The following CNTN4 variants were observed in gnomAD, a reference collection of about 807,000 sequenced individuals.
CNTN4 encodes contactin 4.
Under a neutral mutation model 122.5 loss-of-function variants are expected in CNTN4, and 77 were observed. The observed-to-expected ratio is 0.63, with a 90% CI of 0.52 to 0.76. The LOEUF (loss-of-function observed/expected upper bound fraction) is 0.76. CNTN4 is among the 30% of genes least tolerant of loss of function. The pLI, the probability that CNTN4 is intolerant of heterozygous loss-of-function variation, is 0.00. For missense variants in CNTN4, 1,256 were observed against 1,259.1 expected (o/e 1.00, Z 0.04); for synonymous variants, 512 against 447.0 (o/e 1.15, Z -1.83).
chr3:2,184,239 G>A (rs1382386588), intron 2 of CNTN4, among the ~76,000 whole-genome samples: 3 of 152,234 alleles, frequency 2.0e-5, no homozygotes, highest in East Asian at 3.9e-4. Flanking sequence ...ACCAGCTTTG[G>A]CCTCCCAAGG....
chr3:2,635,302 T>C (rs921521684), intron 4 of CNTN4, among the ~76,000 whole-genome samples: 2 of 152,220 alleles, frequency 1.3e-5, no homozygotes, highest in South Asian at 2.1e-4. Context: ...GATATTGAGA[T>C]ACCAAACTGT....
At chr3:3,037,077 A>G (rs1037336903) in intron 17 of CNTN4, 102 bp from the exon 18 acceptor site, 2 of 1,361,718 alleles carry the variant, frequency 1.5e-6, no homozygotes, top group African/African-American at 2.9e-5. Flanking sequence ...CCTGAATACA[A>G]TAATGATGAG....
In CNTN4 at chr3:2,148,630, A is replaced by G. The variant is rs191045297; in HGVS notation, c.-145+47991A>G. Among the ~76,000 whole-genome samples the G allele has an allele frequency of 5.0e-3, 756 of 152,322 alleles. 2 individuals are homozygous for G. The highest frequency in any genetic ancestry group is 8.7e-3 in the Non-Finnish European group (591 of 68,034). On this transcript the variant is annotated intron_variant, in intron 2 of 24. Transcript: ENST00000418658. The stretch of plus-strand genomic sequence containing the variant: ...TATACACTGTTTCTTGGGCAGTGAC[A>G]GTAGGGTAAAATTACCCAGTTTGTG...
Position 2,584,921 on chromosome 3 carries a change from A to G in CNTN4, c.55+13363A>G, listed in dbSNP as rs188217503. Among the ~76,000 whole-genome samples the G allele has an allele frequency of 2.2e-3, 322 of 149,100 alleles. 2 individuals carry two copies. Among genetic ancestry groups the G allele is most frequent in the Middle Eastern group, 7.0e-3 (2 of 286 alleles). The stretch of plus-strand genomic sequence containing the variant: ...GGAAGGTAGGTAGGTAGGTAGGTAG[A>G]TAGATAGATAGATAGATAGATAGAC... On this transcript the variant is annotated intron_variant, in intron 4 of 24. Coordinates refer to ENST00000418658, the MANE Select transcript of CNTN4 (RefSeq NM_175607.3).
At chr3:3,027,369 G>A (rs555277667) in intron 15 of CNTN4, among the ~76,000 whole-genome samples, 21 of 152,268 alleles carry the variant, frequency 1.4e-4, no homozygotes, top group African/African-American at 4.8e-4. Context: ...ATTATCTCTT[G>A]GGACCCTGAC....
chr3:2,895,765 T>A (rs980288568), intron 10 of CNTN4, among the ~76,000 whole-genome samples: 6 of 152,224 alleles, frequency 3.9e-5, no homozygotes, highest in Non-Finnish European at 8.8e-5. Context: ...CTGGGCGCAG[T>A]GGCTCACGCC....
At chr3:2,476,223 T>C (rs1329437338) in intron 3 of CNTN4, among the ~76,000 whole-genome samples, 1 of 152,198 alleles carries the variant, frequency 6.6e-6, no homozygotes, top group Non-Finnish European at 1.5e-5. Context: ...TCAGGTGATT[T>C]TGTGGGCTTG....
intron 3 of CNTN4, among the ~76,000 whole-genome samples, chr3:2,537,500 T>C (rs1356816765): frequency 1.3e-5 from 2 of 152,134 alleles, no homozygotes; most frequent in Non-Finnish European, 1.5e-5. Flanking sequence ...GCATCTTGCC[T>C]CATATGTCTC....
chr3:2,493,668 C>A (rs1283843861), intron 3 of CNTN4, among the ~76,000 whole-genome samples: 3 of 151,940 alleles, frequency 2.0e-5, no homozygotes, highest in African/African-American at 7.3e-5. Flanking sequence ...TAATAGAACA[C>A]CAATTTTATT....
intron 12 of CNTN4, among the ~76,000 whole-genome samples, chr3:2,918,538 A>T (rs182620122): frequency 1.3e-5 from 2 of 152,326 alleles, no homozygotes; most frequent in Admixed American, 1.3e-4. Context: ...AGCTCATTCT[A>T]TGTATCTCTT....
At chr3:2,590,712 A>T (rs1264534857) in intron 4 of CNTN4, among the ~76,000 whole-genome samples, 1 of 151,858 alleles carries the variant, frequency 6.6e-6, no homozygotes, top group Admixed American at 6.6e-5. Context: ...GGGCCTTCAT[A>T]CCTGCGATTT....
At chr3:2,435,605 A>C (rs1035981205) in intron 3 of CNTN4, among the ~76,000 whole-genome samples, 7 of 152,118 alleles carry the variant, frequency 4.6e-5, no homozygotes, top group African/African-American at 1.7e-4. Flanking sequence ...AGAACACAGG[A>C]AATTATTTTA....
At chr3:2,528,304 C>T (rs928581512) in intron 3 of CNTN4, among the ~76,000 whole-genome samples, 2 of 152,032 alleles carry the variant, frequency 1.3e-5, no homozygotes, top group Non-Finnish European at 2.9e-5. Flanking sequence ...ATTGTTATTT[C>T]TATTTTATTG....
rs930316943 is a variant in CNTN4, at chr3:2,758,540, C to T, written c.358+12843C>T. Among the ~76,000 whole-genome samples, 8 of 44,624 alleles carry T rather than the reference C, an allele frequency of 1.8e-4. No individual in the cohort carries two copies. In the South Asian group the frequency reaches 2.6e-3, roughly 15 times the overall value. The allele number at this position is 44,624 out of a possible 152,430, so 29.3% of individuals were successfully genotyped here. A position where few individuals can be genotyped will look rare whatever the true frequency, so the allele number is the denominator to read the frequency against. ...TACTTTTTTTTTTTTTTTTTTGAGA[C>T]GGAGTCTCCCTCTGTCTGCTGGCGT... is the stretch of plus-strand genomic sequence containing the variant. On this transcript the variant is annotated intron_variant, in intron 6 of 24. Coordinates refer to ENST00000418658, the MANE Select transcript of CNTN4 (RefSeq NM_175607.3).
chr3:2,624,267 C>T (rs2082098435), intron 4 of CNTN4, among the ~76,000 whole-genome samples: 8 of 152,146 alleles, frequency 5.3e-5, no homozygotes. Context: ...TAAAAGGGTC[C>T]AGGAAAGAAA....
Position 2,314,394 on chromosome 3 carries a change from G to C in CNTN4, c.-144-24784G>C, listed in dbSNP as rs190207450. Among the ~76,000 whole-genome samples the C allele has an allele frequency of 5.9e-5, 9 of 151,940 alleles. No homozygotes were observed. The East Asian group carries it at 1.7e-3, about 29-fold the overall frequency. On this transcript the variant is annotated intron_variant, in intron 2 of 24. Transcript: ENST00000418658. The stretch of plus-strand genomic sequence containing the variant: ...TGTTTATATAATATTAGATGGATTA[G>C]ACAAATGAAAAGGTCAAGAAACTGA...
chr3:3,040,202 G>A lies in CNTN4; in HGVS notation c.2329G>A (p.Val777Ile). ...CCCCTTCTCTCCCTTTGAGGTTAAAGTAGGTGTCTTCAACAACAAAGGAGA... is the reference window on the plus strand; with the variant it reads ...CCCCTTCTCTCCCTTTGAGGTTAAAATAGGTGTCTTCAACAACAAAGGAGA... Reference protein sequence around the residue: ...VHPFSPFEVKVGVFNNKGEGP... With the variant: ...VHPFSPFEVKIGVFNNKGEGP... Residue 777 changes from valine (V) to isoleucine (I), a missense_variant, in exon 20 of 25, where the codon GTA (valine) becomes ATA (isoleucine). By Grantham distance (29) the Val-to-Ile change is conservative. Coordinates refer to ENST00000418658, the MANE Select transcript of CNTN4 (RefSeq NM_175607.3). 2 of 1,614,224 alleles carry A rather than the reference G, an allele frequency of 1.2e-6. No individual in the cohort carries two copies. The highest frequency in any genetic ancestry group is 1.7e-5 in the Admixed American group (1 of 60,036).
chr3:2,508,221 T>G (rs1019767018), intron 3 of CNTN4, among the ~76,000 whole-genome samples: 3 of 152,200 alleles, frequency 2.0e-5, no homozygotes, highest in Admixed American at 2.0e-4. Flanking sequence ...GTTCAATCAT[T>G]GCTGCATAGA....
chr3:2,753,428 G>A (rs1037309486), intron 6 of CNTN4, among the ~76,000 whole-genome samples: 1 of 152,158 alleles, frequency 6.6e-6, no homozygotes, highest in Non-Finnish European at 1.5e-5. Context: ...CACTTTGGAA[G>A]CATTATTCCA....
Sources: allele counts gnomAD v4.1 joint callset (sites outside exome capture counted in the v4.1 genomes callset), GRCh38; gene constraint gnomAD v4.1.1; transcripts MANE v1.5; gene names NCBI Gene and HGNC (gene_info 2026-07-23, HGNC 2026-07-21).